TANGO6: variants seen among roughly 807,000 people sequenced by gnomAD.
TANGO6 encodes the protein transport and Golgi organization protein 6 homolog.
Under a neutral mutation model 114.2 loss-of-function variants are expected in TANGO6, and 90 were observed. The ratio of observed to expected loss-of-function variants is 0.79; its 90% CI spans 0.66 to 0.94. The LOEUF is 0.94. Ranked by LOEUF, TANGO6 falls within the 40% of genes least tolerant of loss-of-function variation. TANGO6 has a pLI of 0.00. For missense variants in TANGO6, 1,274 were observed against 1,315.3 expected (o/e 0.97, Z 0.49); for synonymous variants, 477 against 509.8 (o/e 0.94, Z 0.87).
rs1366600462 is a variant in TANGO6 at position 69,063,253 on chromosome 16, C to T, written c.3109-20232C>T. ...AAAAAAAAAACACTGGGGCCGGGCG[C>T]GGTGGCTCACGCCTGTAATCCCAGC... On this transcript the variant is annotated intron_variant, in intron 17 of 17. Coordinates refer to ENST00000261778, the MANE Select transcript of TANGO6 (RefSeq NM_024562.2). Among the ~76,000 whole-genome samples, 6 of 149,670 alleles carry T rather than the reference C, an allele frequency of 4.0e-5. No individual in the cohort carries two copies. The East Asian group carries it at 1.2e-3, about 30-fold the overall frequency.
intron 17 of TANGO6, among the ~76,000 whole-genome samples, chr16:69,058,767 A>C (rs1465403467): frequency 2.0e-5 from 3 of 150,960 alleles, no homozygotes; most frequent in African/African-American, 7.3e-5. Flanking sequence ...CCGTGTTCAC[A>C]CCATTCTCCT....
chr16:69,060,275 C>T (rs1410761086), intron 17 of TANGO6, among the ~76,000 whole-genome samples: 2 of 152,166 alleles, frequency 1.3e-5, no homozygotes, highest in East Asian at 1.9e-4. Context: ...ATCTCAGCCT[C>T]CCAGAGTTCT....
At chr16:68,913,167 G>A (rs1962949092) in intron 11 of TANGO6, among the ~76,000 whole-genome samples, 1 of 151,382 alleles carries the variant, frequency 6.6e-6, no homozygotes, top group Admixed American at 6.6e-5. Flanking sequence ...ATGGGTTCAA[G>A]CAATCCTCCC....
At chr16:69,078,477 C>T (rs1222081821) in intron 17 of TANGO6, among the ~76,000 whole-genome samples, 1 of 152,144 alleles carries the variant, frequency 6.6e-6, no homozygotes, top group Non-Finnish European at 1.5e-5. Context: ...CCATCATTTC[C>T]ATTCGCCATC....
chr16:69,066,876 G>A (rs763555524), intron 17 of TANGO6, among the ~76,000 whole-genome samples: 11 of 152,020 alleles, frequency 7.2e-5, no homozygotes, highest in Non-Finnish European at 1.2e-4. Flanking sequence ...AAAATATCAA[G>A]ACCCCGTCTC....
intron 7 of TANGO6, among the ~76,000 whole-genome samples, chr16:68,897,043 A>G (rs1288980463): frequency 6.6e-6 from 1 of 152,040 alleles, no homozygotes; most frequent in Non-Finnish European, 1.5e-5. Flanking sequence ...AGCCAGGATT[A>G]CAGGTGCACA....
intron 15 of TANGO6, among the ~76,000 whole-genome samples, chr16:68,978,326 G>T (rs1963785189): frequency 6.6e-6 from 1 of 152,200 alleles, no homozygotes; most frequent in Non-Finnish European, 1.5e-5. Context: ...GGATAGAGTT[G>T]AGGTGAGGCC....
At chr16:68,941,282 A>G (rs1033830629) in intron 14 of TANGO6, among the ~76,000 whole-genome samples, 1 of 152,188 alleles carries the variant, frequency 6.6e-6, no homozygotes, top group African/African-American at 2.4e-5. Context: ...AATTTTTTTT[A>G]AATTGGGGAA....
At chr16:68,882,967 G>A (rs1316909754) in intron 7 of TANGO6, among the ~76,000 whole-genome samples, 6 of 152,144 alleles carry the variant, frequency 3.9e-5, no homozygotes, top group African/African-American at 1.4e-4. Flanking sequence ...GCAGTGAGCC[G>A]AGATTGTGCC....
At chr16:68,959,523 G>T (rs909891930) in intron 14 of TANGO6, among the ~76,000 whole-genome samples, 1 of 152,016 alleles carries the variant, frequency 6.6e-6, no homozygotes, top group African/African-American at 2.4e-5. Flanking sequence ...GGGGGTGGAG[G>T]TTGCAGTGAG....
intron 17 of TANGO6, among the ~76,000 whole-genome samples, chr16:69,046,063 C>CAAAAA (rs61017260): frequency 9.4e-5 from 9 of 95,948 alleles, no homozygotes; most frequent in Admixed American, 1.2e-4. Flanking sequence ...GACTCCAACT[C>CAAAAA]AAAAAAAAAA....
At chr16:68,856,978 G>A (rs1014214145) in intron 1 of TANGO6, among the ~76,000 whole-genome samples, 4 of 152,096 alleles carry the variant, frequency 2.6e-5, no homozygotes, top group East Asian at 1.9e-4. Flanking sequence ...GCATGGTGGC[G>A]GGCCCCTGTA....
At chr16:69,025,053 C>CT (rs1202325377) in intron 16 of TANGO6, among the ~76,000 whole-genome samples, 3 of 151,938 alleles carry the variant, frequency 2.0e-5, no homozygotes, top group African/African-American at 7.2e-5. Context: ...AGTGATCCTC[C>CT]TGCCTCGGCC....
chr16:69,082,790 G>A (rs981127681), intron 17 of TANGO6, among the ~76,000 whole-genome samples: 5 of 151,948 alleles, frequency 3.3e-5, no homozygotes, highest in African/African-American at 1.2e-4. Context: ...TGCCCGTACT[G>A]TGGGTGCCAG....
Position 68,927,657 on chromosome 16 carries a change from A to G in TANGO6, c.2217A>G (p.Glu739=), listed in dbSNP as rs779289918. The G allele has an allele frequency of 2.5e-6, 4 of 1,613,898 alleles. No homozygotes were observed. The South Asian group carries it at 4.4e-5, about 18-fold the overall frequency. ...SNTYPDPVIQ[E]LAVDLRITIS... is the part of the protein sequence containing the mutation. ...CATACCCTGATCCGGTCATCCAAGA[A>G]CTCGCTGTTGATCTCCGCATCACCA... The change falls in exon 13 of 18, where the codon GAA becomes GAG. Residue 739 remains glutamate, a synonymous_variant. Coordinates refer to ENST00000261778, the MANE Select transcript of TANGO6 (RefSeq NM_024562.2).
chr16:68,953,674 C>T (rs1963496408), intron 14 of TANGO6, among the ~76,000 whole-genome samples: 1 of 152,124 alleles, frequency 6.6e-6, no homozygotes, highest in African/African-American at 2.4e-5. Context: ...GATACTTAGA[C>T]CTCCTTAATA....
At chr16:68,849,593 G>C (rs1329485480) in intron 1 of TANGO6, among the ~76,000 whole-genome samples, 1 of 151,982 alleles carries the variant, frequency 6.6e-6, no homozygotes. Flanking sequence ...CCCGGAGTTT[G>C]AGGGTGCAAT....
At chr16:69,062,515 C>G (rs1005946755) in intron 17 of TANGO6, among the ~76,000 whole-genome samples, 1 of 152,078 alleles carries the variant, frequency 6.6e-6, no homozygotes. Flanking sequence ...CACTGTCACC[C>G]AGGCTGGAGT....
intron 15 of TANGO6, among the ~76,000 whole-genome samples, chr16:68,988,003 ATCT>A (rs1365487528): frequency 6.6e-6 from 1 of 152,060 alleles, no homozygotes; most frequent in Non-Finnish European, 1.5e-5. Context: ...TGGGCTAATT[ATCT>A]TCTTATTACT....
Sources: allele counts gnomAD v4.1 joint callset (sites outside exome capture counted in the v4.1 genomes callset), GRCh38; gene constraint gnomAD v4.1.1; transcripts MANE v1.5; gene names NCBI Gene and HGNC (gene_info 2026-07-23, HGNC 2026-07-21).